PCDH9: variants seen among roughly 807,000 people sequenced by gnomAD.
PCDH9 encodes the protein protocadherin 9, also known as protocadherin-9.
PCDH9 carries 24 observed loss-of-function variants against 70.6 expected under a neutral mutation model. That is an observed-to-expected ratio of 0.34 (90% CI 0.25 to 0.48). PCDH9 has a LOEUF of 0.48. Ranked by LOEUF, PCDH9 falls within the 20% of genes least tolerant of loss-of-function variation. The pLI is 0.99. For missense variants in PCDH9, 1,281 were observed against 1,503.6 expected (o/e 0.85, Z 2.45); for synonymous variants, 562 against 558.5 (o/e 1.01, Z -0.09).
chr13:66,423,201 G>A (rs958587110), intron 4 of PCDH9, among the ~76,000 whole-genome samples: 1 of 152,024 alleles, frequency 6.6e-6, no homozygotes, highest in Non-Finnish European at 1.5e-5. Context: ...AGAACCAGAT[G>A]AATTCACAGC....
intron 4 of PCDH9, among the ~76,000 whole-genome samples, chr13:66,587,509 A>G (rs1236897146): frequency 6.6e-6 from 1 of 152,144 alleles, no homozygotes; most frequent in Admixed American, 6.6e-5. Context: ...ACCTTCAGTA[A>G]CCATGAAATT....
At chr13:67,116,359 G>T (rs527766393) in intron 2 of PCDH9, among the ~76,000 whole-genome samples, 1 of 152,146 alleles carries the variant, frequency 6.6e-6, no homozygotes, top group African/African-American at 2.4e-5. Flanking sequence ...AATTTAGAAA[G>T]GAGATCCTGA....
chr13:67,005,490 G>GCA (rs1214514780), intron 2 of PCDH9, among the ~76,000 whole-genome samples: 1 of 152,048 alleles, frequency 6.6e-6, no homozygotes, highest in Non-Finnish European at 1.5e-5. Context: ...ACACAAAAAT[G>GCA]CACACACACT....
At chr13:66,659,963 G>T (rs1593852158) in intron 3 of PCDH9, among the ~76,000 whole-genome samples, 1 of 152,150 alleles carries the variant, frequency 6.6e-6, no homozygotes, top group African/African-American at 2.4e-5. Context: ...AACTGCTGGC[G>T]AATTCTAAGC....
chr13:66,862,122 C>T (rs1330070161), intron 3 of PCDH9, among the ~76,000 whole-genome samples: 1 of 152,158 alleles, frequency 6.6e-6, no homozygotes, highest in Non-Finnish European at 1.5e-5. Context: ...AGCAGCATGG[C>T]TCTGTTACCT....
intron 2 of PCDH9, among the ~76,000 whole-genome samples, chr13:67,019,263 G>A (rs2139856825): frequency 7.3e-6 from 1 of 136,252 alleles, no homozygotes; most frequent in Admixed American, 8.6e-5. Context: ...GTAGGATCTC[G>A]GCTCACTGCA....
At chr13:66,345,240 T>C (rs1463881575) in intron 4 of PCDH9, among the ~76,000 whole-genome samples, 1 of 152,216 alleles carries the variant, frequency 6.6e-6, no homozygotes, top group Non-Finnish European at 1.5e-5. Context: ...TTTTGACTGC[T>C]TTATTTCTCT....
intron 4 of PCDH9, among the ~76,000 whole-genome samples, chr13:66,353,032 T>A (rs538084062): frequency 7.4e-4 from 112 of 152,290 alleles, no homozygotes; most frequent in Non-Finnish European, 1.3e-3. Context: ...AGGGTAATCC[T>A]CCATTTTTAC....
intron 2 of PCDH9, among the ~76,000 whole-genome samples, chr13:67,159,863 A>AC (rs1437441952): frequency 3.9e-5 from 6 of 152,202 alleles, no homozygotes; most frequent in African/African-American, 1.4e-4. Context: ...TATGTAGCCA[A>AC]ATACGTAGTT....
intron 3 of PCDH9, among the ~76,000 whole-genome samples, chr13:66,646,528 C>A (rs940046524): frequency 6.6e-6 from 1 of 152,094 alleles, no homozygotes; most frequent in African/African-American, 2.4e-5. Context: ...TAATCAGAAA[C>A]TATTTTTTCC....
chr13:66,761,146 T>C (rs917938421), intron 3 of PCDH9, among the ~76,000 whole-genome samples: 2 of 145,222 alleles, frequency 1.4e-5, no homozygotes, highest in South Asian at 2.3e-4. Context: ...ATTCGTACAC[T>C]CCCTCCCCTT....
chr13:67,220,533 G>A (rs2138114401), intron 2 of PCDH9: 1 of 152,046 alleles, frequency 6.6e-6, no homozygotes, highest in Admixed American at 6.6e-5. Context: ...ATAAGAATAT[G>A]TTTACACCAT....
At position 66,761,455 on chromosome 13, in the gene PCDH9, C is replaced by T. The variant is rs376144124; in HGVS notation, c.3139-130044G>A. Among the ~76,000 whole-genome samples the T allele has an allele frequency of 9.2e-5, 14 of 152,024 alleles. No homozygotes were observed. The East Asian group carries it at 9.6e-4, about 10-fold the overall frequency. ...GATTTCTACCCCCTTTATCTTCCTCCGCCCACTCTTGAATGCCAATCACTT... is the reference window on the plus strand; with the variant it reads ...GATTTCTACCCCCTTTATCTTCCTCTGCCCACTCTTGAATGCCAATCACTT... On this transcript the variant is annotated intron_variant, in intron 3 of 4. Transcript: ENST00000377865.
intron 3 of PCDH9, among the ~76,000 whole-genome samples, chr13:66,846,843 T>C (rs1291881705): frequency 6.6e-6 from 1 of 151,590 alleles, no homozygotes; most frequent in African/African-American, 2.4e-5. Context: ...GAACAAAATC[T>C]TCCTCTGGGC....
chr13:66,908,383 C>A (rs2082399897), intron 2 of PCDH9, among the ~76,000 whole-genome samples: 1 of 152,166 alleles, frequency 6.6e-6, no homozygotes, highest in Non-Finnish European at 1.5e-5. Flanking sequence ...ACTGAAAGGA[C>A]TAGAGAGGAT....
intron 2 of PCDH9, among the ~76,000 whole-genome samples, chr13:67,036,402 T>A (rs1203846652): frequency 2.0e-5 from 3 of 152,180 alleles, no homozygotes; most frequent in Non-Finnish European, 4.4e-5. Context: ...AAGTCAACAC[T>A]GCAATCAATA....
intron 3 of PCDH9, among the ~76,000 whole-genome samples, chr13:66,882,602 T>G (rs1406576783): frequency 6.6e-6 from 1 of 151,976 alleles, no homozygotes; most frequent in Non-Finnish European, 1.5e-5. Context: ...TAATTTACCC[T>G]CAATCAGACT....
intron 3 of PCDH9, 115 bp from the exon 4 acceptor site, chr13:66,631,526 A>G: frequency 1.6e-6 from 1 of 628,468 alleles, no homozygotes; most frequent in Non-Finnish European, 2.8e-6. Flanking sequence ...AGCAAAATAA[A>G]CCAAACTAGG....
chr13:67,041,566 T>TCA (rs749260579), intron 2 of PCDH9, among the ~76,000 whole-genome samples: 4 of 152,188 alleles, frequency 2.6e-5, no homozygotes, highest in Non-Finnish European at 5.9e-5. Context: ...GTGCAGTGGC[T>TCA]CACGCCTGTA....
Sources: allele counts gnomAD v4.1 joint callset (sites outside exome capture counted in the v4.1 genomes callset), GRCh38; gene constraint gnomAD v4.1.1; transcripts MANE v1.5; gene names NCBI Gene and HGNC (gene_info 2026-07-23, HGNC 2026-07-21).